Variants in SEC62 observed in about 807,000 individuals in gnomAD.
SEC62 encodes the protein translocation protein SEC62.
A neutral mutation model predicts 47.5 loss-of-function variants in SEC62; 10 were observed. The observed-to-expected ratio is 0.21, with a 90% CI of 0.13 to 0.36. The LOEUF is 0.36. Among genes scored for constraint, SEC62 ranks in the 10% least tolerant of loss-of-function variants. SEC62 has a pLI of 1.00. For missense variants in SEC62, 327 were observed against 464.1 expected, an observed-to-expected ratio of 0.70 and a Z score of 2.71; for synonymous variants, 136 against 150.5, an observed-to-expected ratio of 0.90 and a Z score of 0.71.
chr3:169,977,399 T>C (rs1167056981), intron 3 of SEC62, among the ~76,000 whole-genome samples: 1 of 152,200 alleles, frequency 6.6e-6, no homozygotes, highest in African/African-American at 2.4e-5. Flanking sequence ...CAGGAATTCC[T>C]ATTAGCTGTG....
chr3:169,980,877 A>G (rs143247785), intron 3 of SEC62, among the ~76,000 whole-genome samples: 34 of 152,310 alleles, frequency 2.2e-4, no homozygotes, highest in African/African-American at 8.2e-4. Context: ...TTCAATTAAC[A>G]TATGAGGAAC....
intron 1 of SEC62, among the ~76,000 whole-genome samples, chr3:169,968,976 T>C (rs1459531661): frequency 2.6e-5 from 4 of 152,190 alleles, no homozygotes; most frequent in African/African-American, 9.7e-5. Flanking sequence ...GCCTAGAAAG[T>C]ACCTCAGTTT....
chr3:169,974,369 C>A (rs1257012074), intron 1 of SEC62, among the ~76,000 whole-genome samples: 1 of 152,142 alleles, frequency 6.6e-6, no homozygotes, highest in Non-Finnish European at 1.5e-5. Context: ...AATAAGACAG[C>A]TTTTGAAAGT....
At chr3:169,981,754 A>ATC (rs1027007518) in intron 3 of SEC62, among the ~76,000 whole-genome samples, 10 of 152,098 alleles carry the variant, frequency 6.6e-5, no homozygotes, top group South Asian at 2.1e-4. Context: ...TAAAGCAAGG[A>ATC]TCTCTCTCTC....
intron 5 of SEC62, 22 bp downstream of exon 5, chr3:169,983,275 G>C: frequency 6.5e-7 from 1 of 1,536,458 alleles, no homozygotes; most frequent in Non-Finnish European, 8.9e-7. Flanking sequence ...CCTATAACTA[G>C]AAGTTCAGTT....
chr3:169,991,994 G>C (rs1332477512), intron 7 of SEC62, among the ~76,000 whole-genome samples: 1 of 152,160 alleles, frequency 6.6e-6, no homozygotes, highest in East Asian at 1.9e-4. Flanking sequence ...TTTTTGTGGA[G>C]TAAGTGCCTT....
intron 6 of SEC62, 48 bp downstream of exon 6, chr3:169,985,913 A>G: frequency 3.8e-6 from 5 of 1,301,824 alleles, no homozygotes; most frequent in Non-Finnish European, 4.4e-6. Context: ...TAAAATTTAG[A>G]AAACAATATG....
At chr3:169,967,434 C>T (rs1167049233) in intron 1 of SEC62, among the ~76,000 whole-genome samples, 1 of 152,172 alleles carries the variant, frequency 6.6e-6, no homozygotes, top group Non-Finnish European at 1.5e-5. Context: ...GCCCTTCTTT[C>T]CCTTCAATAT....
intron 3 of SEC62, among the ~76,000 whole-genome samples, chr3:169,977,878 C>T (rs2108282523): frequency 6.6e-6 from 1 of 152,182 alleles, no homozygotes; most frequent in South Asian, 2.1e-4. Flanking sequence ...TCTTAAAAAC[C>T]ACTATTTCAC....
intron 3 of SEC62, among the ~76,000 whole-genome samples, chr3:169,980,483 A>C (rs1714943617): frequency 6.6e-6 from 1 of 152,220 alleles, no homozygotes; most frequent in Non-Finnish European, 1.5e-5. Flanking sequence ...AATTATTTTC[A>C]ACACAATTTG....
intron 3 of SEC62, among the ~76,000 whole-genome samples, chr3:169,982,347 C>T (rs953489915): frequency 7.2e-5 from 11 of 152,064 alleles, no homozygotes; most frequent in African/African-American, 2.7e-4. Context: ...TTCTTTATTA[C>T]GTCAGCTCTT....
chr3:169,986,988 G>A (rs1228259743), intron 6 of SEC62, among the ~76,000 whole-genome samples: 1 of 151,740 alleles, frequency 6.6e-6, no homozygotes, highest in Admixed American at 6.6e-5. Context: ...AGTGCTGGGG[G>A]TTTGATTTGT....
chr3:169,977,571 A>C (rs1714866650), intron 3 of SEC62, among the ~76,000 whole-genome samples: 1 of 152,202 alleles, frequency 6.6e-6, no homozygotes, highest in Non-Finnish European at 1.5e-5. Context: ...CAGCTAATTC[A>C]GTAATATACA....
chr3:169,974,282 T>C (rs9869930), intron 1 of SEC62, among the ~76,000 whole-genome samples: 3,246 of 152,342 alleles, frequency 0.021, 106 homozygotes, highest in African/African-American at 0.075. Context: ...AAATACTGAA[T>C]GTTCTGTGTA....
chr3:169,973,633 A>G (rs1443504792), intron 1 of SEC62, among the ~76,000 whole-genome samples: 1 of 151,608 alleles, frequency 6.6e-6, no homozygotes, highest in Admixed American at 6.6e-5. Flanking sequence ...ATTGCACTCC[A>G]GCCTGGGAGA....
At chr3:169,970,801 G>A (rs1011911440) in intron 1 of SEC62, among the ~76,000 whole-genome samples, 5 of 152,102 alleles carry the variant, frequency 3.3e-5, no homozygotes, top group African/African-American at 4.8e-5. Flanking sequence ...TGATAGGTTG[G>A]TTTCTCTTTA....
intron 3 of SEC62, 66 bp downstream of exon 3, chr3:169,977,117 C>G (rs1714854844): frequency 9.6e-7 from 1 of 1,042,728 alleles, no homozygotes; most frequent in East Asian, 2.6e-5. Context: ...TCCTGAAGCT[C>G]CTTACATCAT....
intron 1 of SEC62, among the ~76,000 whole-genome samples, chr3:169,969,955 T>A (rs1430835938): frequency 6.6e-6 from 1 of 152,152 alleles, no homozygotes; most frequent in Non-Finnish European, 1.5e-5. Flanking sequence ...AATAAAACCT[T>A]GACATATCAT....
intron 3 of SEC62, among the ~76,000 whole-genome samples, chr3:169,978,870 G>C (rs1021434809): frequency 6.6e-6 from 1 of 152,208 alleles, no homozygotes; most frequent in Non-Finnish European, 1.5e-5. Context: ...TACACAGCTA[G>C]CAAGTGGCAG....
Sources: allele counts gnomAD v4.1 joint callset (sites outside exome capture counted in the v4.1 genomes callset), GRCh38; gene constraint gnomAD v4.1.1; transcripts MANE v1.5; gene names NCBI Gene and HGNC (gene_info 2026-07-23, HGNC 2026-07-21).